LARGE1: variants seen among roughly 807,000 people sequenced by gnomAD.
The protein encoded by LARGE1 is xylosyl- and glucuronyltransferase LARGE1.
LARGE1 carries 43 observed loss-of-function variants against 87.6 expected under a neutral mutation model. The ratio of observed to expected loss-of-function variants is 0.49; its 90% CI spans 0.38 to 0.63. LARGE1 has a LOEUF of 0.63. Among genes scored for constraint, LARGE1 ranks in the 30% least tolerant of loss-of-function variants. The probability of loss-of-function intolerance (pLI) is 0.00; values close to 1 mark genes in which losing one functional copy is unlikely to be tolerated. For synonymous variants in LARGE1, 434 were observed against 394.6 expected (o/e 1.10, Z -1.18); for missense variants, 802 against 1,000.2 (o/e 0.80, Z 2.67).
At chr22:33,636,099 TG>T (rs2080258270) in intron 3 of LARGE1, among the ~76,000 whole-genome samples, 1 of 152,202 alleles carries the variant, frequency 6.6e-6, no homozygotes, top group Admixed American at 6.5e-5. Context: ...GCTTTAGGAT[TG>T]ACTTTCTTGT....
intron 6 of LARGE1, among the ~76,000 whole-genome samples, chr22:33,537,534 T>G (rs11704444): frequency 0.56 from 84,420 of 152,010 alleles, 23,822 homozygotes; most frequent in Admixed American, 0.65. Flanking sequence ...ACTTAATCGC[T>G]TATGTAAAGT....
At chr22:33,259,839 G>A (rs1200817144) in intron 11 of LARGE1, among the ~76,000 whole-genome samples, 2 of 152,152 alleles carry the variant, frequency 1.3e-5, no homozygotes, top group Admixed American at 6.5e-5. Flanking sequence ...TGCCTGCCTT[G>A]TTGAATGTTG....
At chr22:33,458,137 C>T (rs1184884968) in intron 6 of LARGE1, among the ~76,000 whole-genome samples, 1 of 147,864 alleles carries the variant, frequency 6.8e-6, no homozygotes, top group Non-Finnish European at 1.5e-5. Context: ...GATGGAGTCT[C>T]ACTCTGTCGT....
At chr22:33,150,250 A>G in the LARGE1 span, among the ~76,000 whole-genome samples, 1 of 152,138 alleles carries the variant, frequency 6.6e-6, no homozygotes, top group African/African-American at 2.4e-5. Context: ...ACACATAGTT[A>G]TATTTCTTCC....
chr22:33,486,490 C>A (rs1008613627), intron 6 of LARGE1, among the ~76,000 whole-genome samples: 1 of 151,812 alleles, frequency 6.6e-6, no homozygotes, highest in Non-Finnish European at 1.5e-5. Context: ...AATGGCATGG[C>A]AGAGTCAGCA....
intron 1 of LARGE1, among the ~76,000 whole-genome samples, chr22:33,772,392 C>T (rs1378616834): frequency 6.6e-6 from 1 of 152,116 alleles, no homozygotes; most frequent in Non-Finnish European, 1.5e-5. Context: ...ACTCTTTGCT[C>T]CACCTAGAAG....
At chr22:33,285,942 G>C (rs1031277425) in intron 12 of LARGE1, among the ~76,000 whole-genome samples, 6 of 152,224 alleles carry the variant, frequency 3.9e-5, no homozygotes, top group African/African-American at 1.4e-4. Context: ...CCAGTAGAGA[G>C]GGGGTGGTTG....
the LARGE1 span, among the ~76,000 whole-genome samples, chr22:33,070,576 C>A: frequency 2.1e-4 from 32 of 152,136 alleles, 1 homozygote; most frequent in South Asian, 6.2e-4. Context: ...CCTGGTAATA[C>A]AACAGAGATA....
At chr22:33,800,391 T>C (rs2086123165) in intron 1 of LARGE1, among the ~76,000 whole-genome samples, 1 of 152,204 alleles carries the variant, frequency 6.6e-6, no homozygotes, top group South Asian at 2.1e-4. Context: ...ACAGACCTTA[T>C]TCAGATTTTA....
intron 1 of LARGE1, among the ~76,000 whole-genome samples, chr22:33,778,129 G>C (rs552120573): frequency 1.3e-5 from 2 of 152,194 alleles, no homozygotes; most frequent in Non-Finnish European, 2.9e-5. Context: ...AATTCTTTTA[G>C]ACAGATGGAA....
intron 6 of LARGE1, among the ~76,000 whole-genome samples, chr22:33,515,431 T>C (rs2071259569): frequency 6.6e-6 from 1 of 152,194 alleles, no homozygotes; most frequent in East Asian, 1.9e-4. Flanking sequence ...TGCTTGCTGT[T>C]TGTTGCTGCT....
chr22:33,277,645 C>T (rs574892733), intron 13 of LARGE1, among the ~76,000 whole-genome samples: 35 of 152,300 alleles, frequency 2.3e-4, no homozygotes, highest in Non-Finnish European at 4.0e-4. Flanking sequence ...AATCACCAGA[C>T]GGAGGCCTAG....
chr22:33,441,898 A>G (rs534619419), intron 6 of LARGE1, among the ~76,000 whole-genome samples: 1 of 152,228 alleles, frequency 6.6e-6, no homozygotes, highest in East Asian at 1.9e-4. Flanking sequence ...TATGTACTCC[A>G]ATTCATTGCC....
chr22:33,198,473 T>C (rs137439), intron 11 of LARGE1, among the ~76,000 whole-genome samples: 95,219 of 151,786 alleles, frequency 0.63, 30,361 homozygotes, highest in African/African-American at 0.71. Flanking sequence ...TTCCTACATG[T>C]GTATATTGCA....
At chr22:33,224,836 G>A (rs1925652554) in intron 11 of LARGE1, among the ~76,000 whole-genome samples, 1 of 152,246 alleles carries the variant, frequency 6.6e-6, no homozygotes, top group African/African-American at 2.4e-5. Flanking sequence ...CCTGTCAGAA[G>A]AAGACAGAGC....
intron 2 of LARGE1, among the ~76,000 whole-genome samples, chr22:33,760,621 C>T (rs954776575): frequency 6.6e-6 from 1 of 152,126 alleles, no homozygotes; most frequent in Non-Finnish European, 1.5e-5. Context: ...GTGCAGGCAT[C>T]CAATAATAAC....
the LARGE1 span, among the ~76,000 whole-genome samples, chr22:33,112,294 C>T: frequency 6.6e-6 from 1 of 152,194 alleles, no homozygotes; most frequent in African/African-American, 2.4e-5. Context: ...TACTTAACCT[C>T]ACTTAAGTTA....
At chr22:33,903,028 A>C (rs2065328920) in intron 1 of LARGE1, among the ~76,000 whole-genome samples, 1 of 152,202 alleles carries the variant, frequency 6.6e-6, no homozygotes, top group Non-Finnish European at 1.5e-5. Flanking sequence ...GCTACTCGGG[A>C]GGCTGAGGGA....
rs2079056415 is a variant in LARGE1, at chr22:33,599,305, C to G, written c.615+5130G>C. ...GTAATCATACTTATCTTTCCAACCCCCAGGGTCATCATGAGAGATGAGTGA... is the reference window on the plus strand; with the variant it reads ...GTAATCATACTTATCTTTCCAACCCGCAGGGTCATCATGAGAGATGAGTGA... On this transcript the variant is annotated intron_variant, in intron 5 of 14. Coordinates refer to ENST00000397394, the MANE Select transcript of LARGE1 (RefSeq NM_133642.5). Among the ~76,000 whole-genome samples the G allele has an allele frequency of 2.6e-5, 4 of 152,250 alleles. No individual in the cohort carries two copies. The South Asian group carries it at 8.3e-4, about 32-fold the overall frequency.
Sources: gnomAD v4.1 joint callset for allele counts (sites outside exome capture counted in the v4.1 genomes callset) on GRCh38, gnomAD v4.1.1 for gene constraint, MANE v1.5 for transcripts, NCBI Gene and HGNC (gene_info 2026-07-23, HGNC 2026-07-21) for gene names.